ZC3H11A: variants seen among roughly 807,000 people sequenced by gnomAD.
ZC3H11A encodes zinc finger CCCH domain-containing protein 11A.
In ZC3H11A, 22 loss-of-function variants were observed where a neutral mutation model predicts 90.8. The observed-to-expected ratio is 0.24, with a 90% confidence interval of 0.17 to 0.35. The LOEUF (loss-of-function observed/expected upper bound fraction) is 0.35. Ranked by LOEUF, ZC3H11A falls within the 10% of genes least tolerant of loss-of-function variation. ZC3H11A has a pLI of 1.00. For missense variants in ZC3H11A, 701 were observed against 964.9 expected (o/e 0.73, Z 3.62); for synonymous variants, 294 against 339.8 (o/e 0.87, Z 1.48).
At chr1:203,803,666 C>A (rs1449962935) in intron 2 of ZC3H11A, among the ~76,000 whole-genome samples, 1 of 152,166 alleles carries the variant, frequency 6.6e-6, no homozygotes, top group Non-Finnish European at 1.5e-5. Context: ...AGTGCAGTGG[C>A]ATGATCATAG....
At chr1:203,839,944 C>G (rs556477610) in intron 11 of ZC3H11A, among the ~76,000 whole-genome samples, 1 of 149,986 alleles carries the variant, frequency 6.7e-6, no homozygotes, top group Non-Finnish European at 1.5e-5. Context: ...TCTGAGATTA[C>G]AGGCATGTGC....
intron 1 of ZC3H11A, chr1:203,797,591 T>G (rs866273459): frequency 3.9e-6 from 6 of 1,534,416 alleles, no homozygotes; most frequent in African/African-American, 1.4e-5. Flanking sequence ...ACACTTTTAG[T>G]GATTCTGGGA....
At chr1:203,833,937 A>T (rs1447422513) in intron 10 of ZC3H11A, 84 bp downstream of exon 10, 8 of 1,493,148 alleles carry the variant, frequency 5.4e-6, no homozygotes, top group Non-Finnish European at 7.2e-6. Flanking sequence ...TTTTATACAG[A>T]TCTTTGTTAT....
chr1:203,824,143 A>G (rs1219697034), intron 4 of ZC3H11A, among the ~76,000 whole-genome samples: 1 of 151,928 alleles, frequency 6.6e-6, no homozygotes, highest in Non-Finnish European at 1.5e-5. Context: ...TGACGCAGCC[A>G]TGTAGTCCCA....
chr1:203,796,215 G>A (rs1418345026), intron 1 of ZC3H11A: 6 of 390,480 alleles, frequency 1.5e-5, no homozygotes, highest in Non-Finnish European at 2.7e-5. Context: ...AGTTTCTCTA[G>A]TTGAGCGGAC....
intron 14 of ZC3H11A, 109 bp from the exon 15 acceptor site, chr1:203,849,602 T>A: frequency 9.6e-7 from 1 of 1,047,034 alleles, no homozygotes; most frequent in East Asian, 2.4e-5. Flanking sequence ...TTCTCTCAGA[T>A]TCTGGATCAT....
At position 203,833,921 on chromosome 1, in the gene ZC3H11A, A is replaced by T. The variant is rs570885399; in HGVS notation, c.874+68A>T. 17 of 1,545,558 alleles carry T rather than the reference A, an allele frequency of 1.1e-5. No individual in the cohort carries two copies. The East Asian group carries it at 3.9e-4, about 36-fold the overall frequency. ...GTGCATTAACATGATAGCTTCTCCA[A>T]ACTCTTTTTATACAGATCTTTGTTA... On this transcript the variant is annotated intron_variant, in intron 10 of 17. Transcript: ENST00000367210.
intron 4 of ZC3H11A, among the ~76,000 whole-genome samples, chr1:203,819,012 T>C (rs1677297896): frequency 6.7e-6 from 1 of 149,318 alleles, no homozygotes; most frequent in African/African-American, 2.5e-5. Context: ...GAGGTTGCAG[T>C]GAGCTGAGAT....
At chr1:203,849,216 A>C (rs1435649886) in intron 14 of ZC3H11A, among the ~76,000 whole-genome samples, 1 of 152,174 alleles carries the variant, frequency 6.6e-6, no homozygotes, top group Non-Finnish European at 1.5e-5. Context: ...ATATGCATGC[A>C]TGTGAATTTG....
chr1:203,797,374 C>A, intron 1 of ZC3H11A: 1 of 696,038 alleles, frequency 1.4e-6, no homozygotes, highest in Non-Finnish European at 2.2e-6. Flanking sequence ...CAAAAATAAC[C>A]TGGCTTGGAA....
intron 3 of ZC3H11A, among the ~76,000 whole-genome samples, chr1:203,818,219 T>A (rs900559424): frequency 6.6e-6 from 1 of 150,948 alleles, no homozygotes; most frequent in African/African-American, 2.4e-5. Flanking sequence ...ATTTACTTTC[T>A]GATTTTCCAT....
chr1:203,825,428 ATTTTTTTTTTTTTTT>A (rs59157538), intron 4 of ZC3H11A, among the ~76,000 whole-genome samples: 1 of 81,624 alleles, frequency 1.2e-5, no homozygotes, highest in African/African-American at 5.1e-5. Flanking sequence ...ACTGTGGAGG[ATTTTTTTTTTTTTTT>A]TTTTTTTTTG....
chr1:203,822,495 C>T (rs751053914), intron 4 of ZC3H11A, among the ~76,000 whole-genome samples: 1 of 152,040 alleles, frequency 6.6e-6, no homozygotes, highest in Non-Finnish European at 1.5e-5. Context: ...TTGTGCTGAG[C>T]GGCCCTCACA....
At chr1:203,810,406 T>A (rs1259556036) in intron 2 of ZC3H11A, among the ~76,000 whole-genome samples, 1 of 151,630 alleles carries the variant, frequency 6.6e-6, no homozygotes, top group Non-Finnish European at 1.5e-5. Flanking sequence ...TTTCTTGTTT[T>A]ACATTGTAGC....
rs369794878 is a variant in ZC3H11A, at chr1:203,833,877, T to G, written c.874+24T>G. The G allele has an allele frequency of 2.6e-4, 408 of 1,594,096 alleles. 1 individual carries two copies. Among genetic ancestry groups the G allele is most frequent in the Non-Finnish European group, 3.3e-4 (383 of 1,170,800 alleles). ...AGGTAAGATAAGTTTTGTGTATATC[T>G]TTTCTTTTCTACTTGTTTGTGCATT... On this transcript the variant is annotated intron_variant, in intron 10 of 17. Transcript: ENST00000367210.
In ZC3H11A at chr1:203,853,603, T is replaced by G. The variant is rs1689674343; in HGVS notation, c.*1204T>G. On this transcript the variant is annotated 3_prime_UTR_variant, in exon 18 of 18. Transcript: ENST00000367210. ...GGACTTACCCATTTTGATATTTTGC[T>G]GTAGGTGGCCAGTTTTGTTTCTCAT... The G allele has an allele frequency of 6.5e-6, 1 of 152,682 alleles. No individual in the cohort carries two copies. The highest frequency in any genetic ancestry group is 2.4e-5 in the African/African-American group (1 of 41,454). 9.5% of individuals were successfully genotyped at this position (152,682 alleles called of 1,614,324 possible).
rs1205448526 is a variant in ZC3H11A at position 203,851,141 on chromosome 1, C to G, written c.2174+17C>G. The G allele has an allele frequency of 5.6e-6, 9 of 1,613,046 alleles. No homozygotes were observed. The African/African-American group carries it at 1.2e-4, about 22-fold the overall frequency. On this transcript the variant is annotated intron_variant, in intron 17 of 17. Transcript: ENST00000367210. ...TAGAGACAGGTAATACTTTGTAATT[C>G]TTTCTAAACAAACTCCAGGCCCCTG...
intron 12 of ZC3H11A, among the ~76,000 whole-genome samples, chr1:203,842,468 C>T (rs892676077): frequency 5.9e-5 from 9 of 152,046 alleles, no homozygotes; most frequent in African/African-American, 9.7e-5. Context: ...TGTGGCGGCG[C>T]GCGCCTGCAA....
intron 2 of ZC3H11A, chr1:203,805,834 T>G (rs1672139346): frequency 5.5e-6 from 5 of 905,244 alleles, no homozygotes; most frequent in Middle Eastern, 2.5e-4. Context: ...ACTCAGTGCT[T>G]CTTGGATTTC....
Sources: allele counts gnomAD v4.1 joint callset (sites outside exome capture counted in the v4.1 genomes callset), GRCh38; gene constraint gnomAD v4.1.1; transcripts MANE v1.5; gene names NCBI Gene and HGNC (gene_info 2026-07-23, HGNC 2026-07-21).